SAMHD1: variants seen among roughly 807,000 people sequenced by gnomAD.
The protein encoded by SAMHD1 is deoxynucleoside triphosphate triphosphohydrolase SAMHD1.
Under a neutral mutation model 79.6 loss-of-function variants are expected in SAMHD1, and 54 were observed. The ratio of observed to expected loss-of-function variants is 0.68; its 90% CI spans 0.55 to 0.85. The LOEUF (loss-of-function observed/expected upper bound fraction) is 0.85, where lower values mean the gene tolerates loss of function less well. Ranked by LOEUF, SAMHD1 falls within the 40% of genes least tolerant of loss-of-function variation. The pLI, the probability that SAMHD1 is intolerant of heterozygous loss-of-function variation, is 0.00. For missense variants in SAMHD1, 663 were observed against 782.7 expected, an observed-to-expected ratio of 0.85 and a Z score of 1.82; for synonymous variants, 260 against 264.1, an observed-to-expected ratio of 0.98 and a Z score of 0.15.
intron 6 of SAMHD1, chr20:36,926,924 T>C: frequency 2.5e-6 from 1 of 401,948 alleles, no homozygotes; most frequent in South Asian, 3.1e-5. Context: ...AACGGCTTTG[T>C]GATTTTTGAT....
In SAMHD1 at chr20:36,951,661, G is replaced by A. The variant is rs560505736; in HGVS notation, c.-18C>T. 41 of 1,612,366 alleles carry A rather than the reference G, an allele frequency of 2.5e-5. No homozygotes were observed. The South Asian group carries it at 3.6e-4, about 14-fold the overall frequency. On this transcript the variant is annotated 5_prime_UTR_variant, in exon 1 of 16. Transcript: ENST00000646673. ...CGCTGCATGGCTACACCTGGCGTCC[G>A]GCACAGCAGTCAAGAACCTCGGCGC... is the stretch of plus-strand genomic sequence containing the variant.
intron 6 of SAMHD1, among the ~76,000 whole-genome samples, chr20:36,924,393 AAAAG>A (rs1601136058): frequency 6.6e-6 from 1 of 151,774 alleles, no homozygotes; most frequent in Non-Finnish European, 1.5e-5. Context: ...GAGAAAGAGA[AAAAG>A]AGAGACAGAG....
chr20:36,948,648 C>T (rs2063711002), intron 1 of SAMHD1, among the ~76,000 whole-genome samples: 1 of 151,056 alleles, frequency 6.6e-6, no homozygotes, highest in Non-Finnish European at 1.5e-5. Context: ...GCGTGTGAAT[C>T]ATCAGGTCAA....
chr20:36,937,492 A>G (rs2063611909), intron 3 of SAMHD1, among the ~76,000 whole-genome samples: 1 of 152,234 alleles, frequency 6.6e-6, no homozygotes, highest in Admixed American at 6.5e-5. Context: ...AAGGATTTAC[A>G]TCCAGAACAT....
At position 36,919,386 on chromosome 20, in the gene SAMHD1, TCAA is replaced by T. The variant is rs1344813356; in HGVS notation, c.827_829del (p.Leu276_Glu277delinsGln). 3.1e-6 allele frequency: 5 copies of T among 1,613,652 alleles called. No individual in the cohort carries two copies. In the South Asian group the frequency reaches 4.4e-5, roughly 14 times the overall value. ...TACCAATGAATCTTCGACAGGTGAT[TCAA>T]GTGGTCCTACAATTTGTTCCTTTAT... On this transcript the variant is annotated inframe_deletion, in exon 7 of 16. Coordinates refer to ENST00000646673, the MANE Select transcript of SAMHD1 (RefSeq NM_015474.4).
Position 36,935,181 on chromosome 20 carries a change from A to G in SAMHD1, c.357T>C (p.Asn119=), listed in dbSNP as rs993704060. Reference sequence around the variant, plus strand: ...GCTCAATGTGGCCATGGATAGGATCATTAATTACCTAGAAAATTATGTTTA... The same window carrying G: ...GCTCAATGTGGCCATGGATAGGATCGTTAATTACCTAGAAAATTATGTTTA... ...QIHVDTMKVI[N]DPIHGHIELH... is the part of the protein sequence containing the mutation. The change falls in exon 4 of 16, where the codon AAT becomes AAC. Residue 119 remains asparagine (N), a synonymous_variant. Transcript: ENST00000646673. 4 of 1,612,404 alleles carry G rather than the reference A, an allele frequency of 2.5e-6. No individual in the cohort carries two copies. The highest frequency in any genetic ancestry group is 3.4e-6 in the Non-Finnish European group (4 of 1,178,438).
At chr20:36,906,644 C>T (rs996984020) in intron 11 of SAMHD1, among the ~76,000 whole-genome samples, 1 of 151,916 alleles carries the variant, frequency 6.6e-6, no homozygotes, top group African/African-American at 2.4e-5. Flanking sequence ...ATGTCCCATT[C>T]GATGATGAGA....
In SAMHD1 at chr20:36,890,396, C is replaced by CTCTTTCTTTCTTTCTTTCTTTCTTT. The variant is rs1990036131; in HGVS notation, c.*2511_*2535dup. On this transcript the variant is annotated 3_prime_UTR_variant, in exon 16 of 16. Coordinates refer to ENST00000646673, the MANE Select transcript of SAMHD1 (RefSeq NM_015474.4). ...ATACAAATAGCAAAGATATTTCTTT[C>CTCTTTCTTTCTTTCTTTCTTTCTTT]TCTTTCTTTCTTTCTTTCTTTCTTT... 7.0e-6 allele frequency: 1 copy of CTCTTTCTTTCTTTCTTTCTTTCTTT among 142,450 alleles called. No homozygotes were observed. Among genetic ancestry groups the CTCTTTCTTTCTTTCTTTCTTTCTTT allele is most frequent in the African/African-American group, 2.6e-5 (1 of 38,770 alleles). The allele number at this position is 142,450 out of a possible 1,614,324, so 8.8% of individuals were successfully genotyped here. A position where few individuals can be genotyped will look rare whatever the true frequency, so the allele number is the denominator to read the frequency against.
At position 36,912,462 on chromosome 20, in the gene SAMHD1, T is replaced by C. The variant is rs515726140; in HGVS notation, c.1153A>G (p.Met385Val). Reference protein sequence around the residue: ...QHKVGNIIDTMITDAFLKADD... With the variant: ...QHKVGNIIDTVITDAFLKADD... Reference sequence around the variant, plus strand: ...GGAAATGACAATCAAGTTTCTTACATTGTATCAATAATGTTGCCAACTTTG... The same window carrying C: ...GGAAATGACAATCAAGTTTCTTACACTGTATCAATAATGTTGCCAACTTTG... The change falls in exon 10 of 16, where the codon ATG (methionine) becomes GTG (valine). Residue 385 changes from methionine to valine, a missense_variant and splice_region_variant. By Grantham distance (21) the Met-to-Val change is conservative. Coordinates refer to ENST00000646673, the MANE Select transcript of SAMHD1 (RefSeq NM_015474.4). 2 of 1,598,480 alleles carry C rather than the reference T, an allele frequency of 1.3e-6. No individual in the cohort carries two copies. Among genetic ancestry groups the C allele is most frequent in the African/African-American group, 1.3e-5 (1 of 74,690 alleles).
At chr20:36,922,999 G>T (rs750371256) in intron 6 of SAMHD1, among the ~76,000 whole-genome samples, 2 of 151,874 alleles carry the variant, frequency 1.3e-5, no homozygotes, top group Non-Finnish European at 2.9e-5. Flanking sequence ...TATAAAGAGA[G>T]AGTATTTTAT....
chr20:36,899,596 G>A (rs1038508263), intron 13 of SAMHD1, among the ~76,000 whole-genome samples: 1 of 152,102 alleles, frequency 6.6e-6, no homozygotes, highest in African/African-American at 2.4e-5. Context: ...AGAATGACCG[G>A]AAACATTTTC....
intron 3 of SAMHD1, among the ~76,000 whole-genome samples, chr20:36,935,711 C>T (rs1165339285): frequency 2.0e-5 from 3 of 151,996 alleles, no homozygotes; most frequent in African/African-American, 7.3e-5. Flanking sequence ...GCTGGGACTA[C>T]AGGGGTGTGC....
intron 2 of SAMHD1, among the ~76,000 whole-genome samples, chr20:36,945,169 G>C (rs527712549): frequency 4.6e-5 from 7 of 152,250 alleles, no homozygotes; most frequent in Non-Finnish European, 8.8e-5. Flanking sequence ...CTGAGTGTAG[G>C]TGGGACTACA....
In SAMHD1 at chr20:36,919,432, C is replaced by T. The variant is rs866625584; in HGVS notation, c.784G>A (p.Glu262Lys). ...PVMEQYGLIP[E>K]EDICFIKEQI... ...TCCTTTATAAAGCAAATATCTTCTT[C>T]AGGGATGAGACCATATTGTTCCATG... Residue 262 changes from glutamate to lysine, a missense_variant, in exon 7 of 16, where the codon GAA (glutamate) becomes AAA (lysine). By Grantham distance (56) the Glu-to-Lys change is moderately conservative. Transcript: ENST00000646673. 1.2e-6 allele frequency: 2 copies of T among 1,613,066 alleles called. No individual in the cohort carries two copies. The highest frequency in any genetic ancestry group is 3.3e-5 in the Admixed American group (2 of 59,996).
At position 36,912,889 on chromosome 20, in the gene SAMHD1, GTTTTTTTTTT is replaced by G. The variant is rs71186089; in HGVS notation, c.1063-347_1063-338del. Among the ~76,000 whole-genome samples, 193 of 41,106 alleles carry G rather than the reference GTTTTTTTTTT, an allele frequency of 4.7e-3. 3 individuals carry two copies. The highest frequency in any genetic ancestry group is 7.0e-3 in the Non-Finnish European group (171 of 24,388). 27.0% of individuals were successfully genotyped at this position (41,106 alleles called of 152,430 possible). A position where few individuals can be genotyped will look rare whatever the true frequency, so the allele number is the denominator to read the frequency against. On this transcript the variant is annotated intron_variant, in intron 9 of 15. Coordinates refer to ENST00000646673, the MANE Select transcript of SAMHD1 (RefSeq NM_015474.4). ...TGTACCCAGCTAACTTTCATTCTTT[GTTTTTTTTTT>G]TTTTTTTTTTTTTTTTGAGATGGAG...
At chr20:36,932,316 A>G (rs2063572377) in intron 4 of SAMHD1, among the ~76,000 whole-genome samples, 1 of 129,830 alleles carries the variant, frequency 7.7e-6, no homozygotes, top group East Asian at 2.3e-4. Context: ...GCGCCATTGC[A>G]CTCCAGCCTG....
intron 3 of SAMHD1, chr20:36,940,543 A>G (rs970903664): frequency 5.9e-6 from 1 of 169,926 alleles, no homozygotes; most frequent in African/African-American, 2.4e-5. Context: ...TATAAAAAAT[A>G]CAAAAATTAG....
At chr20:36,931,011 G>C in intron 4 of SAMHD1, 136 bp from the exon 5 acceptor site, 2 of 694,632 alleles carry the variant, frequency 2.9e-6, no homozygotes, top group South Asian at 3.0e-5. Flanking sequence ...GTATATTTCA[G>C]AACTAGGCAG....
intron 1 of SAMHD1, among the ~76,000 whole-genome samples, chr20:36,949,098 T>A (rs1212834206): frequency 7.3e-6 from 1 of 136,738 alleles, no homozygotes; most frequent in Non-Finnish European, 1.6e-5. Flanking sequence ...AACCCTGTCT[T>A]TACTAAAAAC....
Sources: allele counts gnomAD v4.1 joint callset (sites outside exome capture counted in the v4.1 genomes callset), GRCh38; gene constraint gnomAD v4.1.1; transcripts MANE v1.5; gene names NCBI Gene and HGNC (gene_info 2026-07-23, HGNC 2026-07-21).